KRT8: variants seen among roughly 807,000 people sequenced by gnomAD.
KRT8 encodes the protein keratin 8.
A neutral mutation model predicts 43.0 loss-of-function variants in KRT8; 24 were observed. The observed-to-expected ratio is 0.56, with a 90% CI of 0.40 to 0.78. The LOEUF is 0.78. Among genes scored for constraint, KRT8 ranks in the 30% least tolerant of loss-of-function variants. KRT8 has a pLI of 0.00. For synonymous variants in KRT8, 214 were observed against 261.2 expected (o/e 0.82, Z 1.74); for missense variants, 492 against 638.4 (o/e 0.77, Z 2.47).
chr12:52,926,341 AC>A, intron 2 of KRT8: 1 of 322,124 alleles, frequency 3.1e-6, no homozygotes, highest in Non-Finnish European at 5.8e-6. Flanking sequence ...TGCCCTCCCC[AC>A]CCCACCCCCA....
intron 1 of KRT8, 93 bp from the exon 2 acceptor site, chr12:52,902,165 T>C (rs1941388941): frequency 1.3e-6 from 1 of 796,048 alleles, no homozygotes; most frequent in Non-Finnish European, 2.1e-6. Flanking sequence ...AATTCACTCC[T>C]CAAGCAGTAA....
intron 2 of KRT8, among the ~76,000 whole-genome samples, chr12:52,921,492 C>T (rs561705059): frequency 2.8e-4 from 43 of 152,288 alleles, no homozygotes; most frequent in African/African-American, 9.9e-4. Context: ...ACCCCCAGGC[C>T]CCCATGGCCT....
intron 2 of KRT8, among the ~76,000 whole-genome samples, chr12:52,915,346 C>T (rs1339651573): frequency 6.7e-6 from 1 of 149,620 alleles, no homozygotes; most frequent in Non-Finnish European, 1.5e-5. Flanking sequence ...TGCACTCCAG[C>T]TTGGGCAACA....
intron 2 of KRT8, among the ~76,000 whole-genome samples, chr12:52,945,168 CCT>C (rs1942324811): frequency 6.6e-6 from 1 of 152,210 alleles, no homozygotes; most frequent in Admixed American, 6.5e-5. Context: ...CCCAGATCTC[CCT>C]CTGTCTCAAC....
At chr12:52,912,963 C>A (rs1941664922) in intron 2 of KRT8, among the ~76,000 whole-genome samples, 1 of 152,160 alleles carries the variant, frequency 6.6e-6, no homozygotes, top group African/African-American at 2.4e-5. Context: ...CAGAAAGCAA[C>A]CTGGTTTTGT....
At chr12:52,925,302 T>C (rs1482564603) in intron 2 of KRT8, among the ~76,000 whole-genome samples, 1 of 152,114 alleles carries the variant, frequency 6.6e-6, no homozygotes, top group Non-Finnish European at 1.5e-5. Flanking sequence ...ATCTCCTTCC[T>C]CTGAATAGCT....
At chr12:52,903,760 G>C (rs927921510) in intron 1 of KRT8, 1 of 152,296 alleles carries the variant, frequency 6.6e-6, no homozygotes, top group Non-Finnish European at 1.5e-5. Context: ...AAACTTAACA[G>C]GACGTAAACC....
At chr12:52,900,055 T>G in exon 5 of KRT8, 2 of 1,612,416 alleles carry the variant, frequency 1.2e-6, no homozygotes, top group Non-Finnish European at 1.7e-6. Flanking sequence ...GGACTGCAGC[T>G]CCCGGATCTC....
intron 2 of KRT8, among the ~76,000 whole-genome samples, chr12:52,944,317 A>G (rs1942311706): frequency 6.6e-6 from 1 of 152,144 alleles, no homozygotes; most frequent in African/African-American, 2.4e-5. Context: ...GCTGGTCTCA[A>G]ATTCCTGGCC....
At chr12:52,949,014 G>T in intron 2 of KRT8, 1 of 616,804 alleles carries the variant, frequency 1.6e-6, no homozygotes, top group Non-Finnish European at 2.7e-6. Flanking sequence ...GGCGGAGGGC[G>T]CGGGCTCCGA....
At chr12:52,924,534 G>T (rs931192645) in intron 2 of KRT8, among the ~76,000 whole-genome samples, 1 of 151,686 alleles carries the variant, frequency 6.6e-6, no homozygotes, top group African/African-American at 2.4e-5. Context: ...AGGCTGCAGT[G>T]AACTATGACA....
At chr12:52,902,597 G>C (rs1469831568) in intron 1 of KRT8, among the ~76,000 whole-genome samples, 1 of 152,052 alleles carries the variant, frequency 6.6e-6, no homozygotes, top group Non-Finnish European at 1.5e-5. Context: ...ACCGTCTTAG[G>C]CAGGATGGTC....
At chr12:52,937,245 C>G (rs755353678) in intron 2 of KRT8, among the ~76,000 whole-genome samples, 6 of 151,240 alleles carry the variant, frequency 4.0e-5, no homozygotes, top group Non-Finnish European at 7.4e-5. Flanking sequence ...GCAGCATGCA[C>G]CTGTAATCCC....
At position 52,940,032 on chromosome 12, in the gene KRT8, A is replaced by G. The variant is rs772648957; in HGVS notation, c.-47+9424T>C. On this transcript the variant is annotated intron_variant, in intron 2 of 6. Coordinates refer to the KRT8 transcript ENST00000546826. ...AAACAAATTATGGTAACTCTATGCA[A>G]TGGAATATTATGCTGCCATTAAAAG... is the stretch of plus-strand genomic sequence containing the variant. 6.5e-4 allele frequency among the ~76,000 whole-genome samples: 99 copies of G among 152,192 alleles called. 3 individuals are homozygous for G. Among genetic ancestry groups the G allele is most frequent in the Non-Finnish European group, 2.1e-4 (14 of 68,042 alleles).
At chr12:52,936,210 C>A (rs1942167753) in intron 2 of KRT8, among the ~76,000 whole-genome samples, 1 of 152,026 alleles carries the variant, frequency 6.6e-6, no homozygotes, top group South Asian at 2.1e-4. Flanking sequence ...TGAGATCATG[C>A]CACTGCACTC....
At chr12:52,901,556 A>G (rs1941370483) in intron 2 of KRT8, 2 of 558,700 alleles carry the variant, frequency 3.6e-6, no homozygotes, top group South Asian at 2.1e-5. Flanking sequence ...CCAGAATGTT[A>G]AGTACAAAAG....
intron 2 of KRT8, among the ~76,000 whole-genome samples, chr12:52,933,346 A>G (rs866616860): frequency 2.6e-5 from 4 of 152,244 alleles, no homozygotes; most frequent in Non-Finnish European, 5.9e-5. Context: ...AATATCTTCC[A>G]ATCAAACTAA....
At chr12:52,932,760 C>G (rs1942105154) in intron 2 of KRT8, among the ~76,000 whole-genome samples, 1 of 151,634 alleles carries the variant, frequency 6.6e-6, no homozygotes. Flanking sequence ...GCTATGATCA[C>G]CAATGCACTC....
At chr12:52,913,252 C>A (rs1028811224) in intron 2 of KRT8, among the ~76,000 whole-genome samples, 3 of 152,196 alleles carry the variant, frequency 2.0e-5, no homozygotes, top group African/African-American at 7.2e-5. Flanking sequence ...TGGAAGGAAG[C>A]AATGACTCCA....
Sources: allele counts gnomAD v4.1 joint callset (sites outside exome capture counted in the v4.1 genomes callset), GRCh38; gene constraint gnomAD v4.1.1; transcripts MANE v1.5; gene names NCBI Gene and HGNC (gene_info 2026-07-23, HGNC 2026-07-21).